Variants in RIT2 observed in about 807,000 individuals in gnomAD.
RIT2 encodes GTP-binding protein Rit2.
RIT2 carries 24 observed loss-of-function variants against 23.7 expected under a neutral mutation model. The observed-to-expected ratio is 1.01, with a 90% CI of 0.73 to 1.43. RIT2 has a LOEUF of 1.43. Ranked by LOEUF, RIT2 falls within the 40% of genes most tolerant of loss-of-function variation. RIT2 has a pLI of 0.00. For synonymous variants in RIT2, 107 were observed against 91.1 expected (o/e 1.17, Z -0.99); for missense variants, 236 against 266.9 (o/e 0.88, Z 0.81).
chr18:42,924,580 TTAGA>T (rs1282274170), intron 3 of RIT2, among the ~76,000 whole-genome samples: 5 of 152,178 alleles, frequency 3.3e-5, no homozygotes, highest in African/African-American at 7.2e-5. Context: ...CAATGGCTAA[TTAGA>T]TAGAAGCAAT....
At chr18:42,996,552 A>T (rs1251418771) in intron 2 of RIT2, among the ~76,000 whole-genome samples, 1 of 151,998 alleles carries the variant, frequency 6.6e-6, no homozygotes, top group Non-Finnish European at 1.5e-5. Flanking sequence ...ATATCTTGTG[A>T]AATTCCTTCT....
chr18:42,746,804 C>T (rs1912928003), intron 4 of RIT2, among the ~76,000 whole-genome samples: 1 of 152,050 alleles, frequency 6.6e-6, no homozygotes, highest in Admixed American at 6.6e-5. Context: ...ACAAAAATAA[C>T]ATGATAATCT....
intron 4 of RIT2, among the ~76,000 whole-genome samples, chr18:42,888,274 C>T (rs918046230): frequency 2.0e-5 from 3 of 151,870 alleles, no homozygotes; most frequent in South Asian, 2.1e-4. Flanking sequence ...ATAGTTTCTA[C>T]TCAGTTTTGC....
intron 1 of RIT2, among the ~76,000 whole-genome samples, chr18:43,059,646 T>A (rs1386938692): frequency 6.6e-6 from 1 of 152,170 alleles, no homozygotes; most frequent in Non-Finnish European, 1.5e-5. Context: ...CCTTTCGAAC[T>A]TCAGTAAACA....
At chr18:42,884,310 C>G (rs1407418741) in intron 4 of RIT2, among the ~76,000 whole-genome samples, 2 of 152,312 alleles carry the variant, frequency 1.3e-5, no homozygotes, top group African/African-American at 2.4e-5. Flanking sequence ...AAATTACTCT[C>G]TCTCTTTTCT....
chr18:42,813,237 C>T (rs533240604), intron 4 of RIT2, among the ~76,000 whole-genome samples: 7 of 152,144 alleles, frequency 4.6e-5, no homozygotes, highest in East Asian at 1.9e-4. Flanking sequence ...AATAGGTTCT[C>T]TTATTAAAAT....
chr18:42,964,226 AT>A (rs960686766), intron 3 of RIT2, among the ~76,000 whole-genome samples: 1 of 151,692 alleles, frequency 6.6e-6, no homozygotes, highest in Non-Finnish European at 1.5e-5. Context: ...TAATAAAAAA[AT>A]AAAATCAATC....
chr18:42,817,274 T>C (rs1299494718), intron 4 of RIT2, among the ~76,000 whole-genome samples: 1 of 152,186 alleles, frequency 6.6e-6, no homozygotes, highest in Non-Finnish European at 1.5e-5. Flanking sequence ...ATATTTTTCA[T>C]CTAGTTAAAA....
intron 4 of RIT2, among the ~76,000 whole-genome samples, chr18:42,826,443 T>C (rs1388650733): frequency 3.3e-5 from 5 of 151,990 alleles, no homozygotes; most frequent in Non-Finnish European, 7.4e-5. Flanking sequence ...AAAAAAACAT[T>C]TCATAAAATT....
intron 4 of RIT2, among the ~76,000 whole-genome samples, chr18:42,799,104 A>C (rs1315543628): frequency 6.6e-6 from 1 of 152,218 alleles, no homozygotes; most frequent in East Asian, 1.9e-4. Context: ...TCTGAAAAAT[A>C]AATAGGGCAT....
rs190592918 is a variant in RIT2, at chr18:42,761,682, T to A, written c.427-17962A>T. ...TGAACTTGCTCTTATTTTTAAAAAA[T>A]TATTATTATTTTTGAGACAGAGTCT... On this transcript the variant is annotated intron_variant, in intron 4 of 4. Coordinates refer to ENST00000326695, the MANE Select transcript of RIT2 (RefSeq NM_002930.4). Among the ~76,000 whole-genome samples, 278 of 151,906 alleles carry A rather than the reference T, an allele frequency of 1.8e-3. 1 individual carries two copies. Among genetic ancestry groups the A allele is most frequent in the Admixed American group, 0.017 (263 of 15,286 alleles).
At chr18:42,948,746 T>C (rs1909782861) in intron 3 of RIT2, among the ~76,000 whole-genome samples, 1 of 152,090 alleles carries the variant, frequency 6.6e-6, no homozygotes, top group Admixed American at 6.6e-5. Flanking sequence ...AAACTTCAGT[T>C]GGGGCACTGC....
rs11393575 is a variant in RIT2 at position 43,057,798 on chromosome 18, C to CTTTTTTTTTTTTTTTTTTTTTTT, written c.104-23932_104-23931insAAAAAAAAAAAAAAAAAAAAAAA. 1.4e-3 allele frequency among the ~76,000 whole-genome samples: 171 copies of CTTTTTTTTTTTTTTTTTTTTTTT among 122,562 alleles called. 11 individuals carry two copies. Among genetic ancestry groups the CTTTTTTTTTTTTTTTTTTTTTTT allele is most frequent in the East Asian group, 2.2e-3 (9 of 4,086 alleles). The allele number at this position is 122,562 out of a possible 152,430, so 80.4% of individuals were successfully genotyped here. A position where few individuals can be genotyped will look rare whatever the true frequency, so the allele number is the denominator to read the frequency against. On this transcript the variant is annotated intron_variant, in intron 1 of 4. Transcript: ENST00000326695. ...GAGCTAATCTTCCAAGTGATGGACA[C>CTTTTTTTTTTTTTTTTTTTTTTT]TTTTTTTTTTTTTTTTTATCATCTA...
At chr18:43,093,816 A>G (rs893775564) in intron 1 of RIT2, among the ~76,000 whole-genome samples, 1 of 152,046 alleles carries the variant, frequency 6.6e-6, no homozygotes, top group Non-Finnish European at 1.5e-5. Flanking sequence ...ACTGACTTGC[A>G]GAAATGCTAA....
intron 4 of RIT2, among the ~76,000 whole-genome samples, chr18:42,855,000 G>A (rs1907146268): frequency 6.6e-6 from 1 of 151,948 alleles, no homozygotes; most frequent in African/African-American, 2.4e-5. Context: ...TAAAAAACTT[G>A]GATTTACTTT....
chr18:43,025,595 A>G (rs1053252576), intron 2 of RIT2, among the ~76,000 whole-genome samples: 1 of 152,126 alleles, frequency 6.6e-6, no homozygotes, highest in Non-Finnish European at 1.5e-5. Context: ...TCTATATGTC[A>G]CATACATAGA....
intron 3 of RIT2, among the ~76,000 whole-genome samples, chr18:42,942,564 C>G (rs569216466): frequency 6.6e-6 from 1 of 152,046 alleles, no homozygotes. Flanking sequence ...CCACCGTCTG[C>G]GTGGAGTTTG....
intron 4 of RIT2, among the ~76,000 whole-genome samples, chr18:42,913,763 A>G (rs769322217): frequency 1.3e-5 from 2 of 151,976 alleles, no homozygotes; most frequent in Non-Finnish European, 2.9e-5. Context: ...GTTAGGAGTA[A>G]CAAGGACAAG....
At chr18:43,000,190 T>C (rs965897618) in intron 2 of RIT2, among the ~76,000 whole-genome samples, 5 of 152,204 alleles carry the variant, frequency 3.3e-5, no homozygotes, top group Non-Finnish European at 7.4e-5. Context: ...AATGGTATAT[T>C]GTTTTAGGTA....
Sources: gnomAD v4.1 joint callset for allele counts (sites outside exome capture counted in the v4.1 genomes callset) on GRCh38, gnomAD v4.1.1 for gene constraint, MANE v1.5 for transcripts, NCBI Gene and HGNC (gene_info 2026-07-23, HGNC 2026-07-21) for gene names.